Variants in MCU observed in about 807,000 individuals in gnomAD.
MCU encodes calcium uniporter protein, mitochondrial.
MCU carries 12 observed loss-of-function variants against 45.2 expected under a neutral mutation model. That is an observed-to-expected ratio of 0.27 (90% CI 0.17 to 0.43). The LOEUF (loss-of-function observed/expected upper bound fraction) is 0.43, where lower values mean the gene tolerates loss of function less well. Ranked by LOEUF, MCU falls within the 20% of genes least tolerant of loss-of-function variation. The probability of loss-of-function intolerance (pLI) is 1.00; values close to 1 mark genes in which losing one functional copy is unlikely to be tolerated. For synonymous variants in MCU, 160 were observed against 165.1 expected (o/e 0.97, Z 0.24); for missense variants, 324 against 436.7 (o/e 0.74, Z 2.30).
rs1399130294 is a variant in MCU, at chr10:72,832,932, C to CTGTGTGTGTGTGTGTG, written c.151-1426_151-1425insGTGTGTGTGTGTGTGT. 1.3e-3 allele frequency among the ~76,000 whole-genome samples: 76 copies of CTGTGTGTGTGTGTGTG among 57,226 alleles called. 1 individual carries two copies. Among genetic ancestry groups the CTGTGTGTGTGTGTGTG allele is most frequent in the African/African-American group, 2.8e-3 (73 of 26,506 alleles). The allele number at this position is 57,226 out of a possible 152,430, so 37.5% of individuals were successfully genotyped here. ...TGATACTGTTTTTTGAAACCAATAG[C>CTGTGTGTGTGTGTGTG]TATGTGTGTGTGTGTGTGTGTGTGT... On this transcript the variant is annotated intron_variant, in intron 1 of 7. Coordinates refer to ENST00000373053, the MANE Select transcript of MCU (RefSeq NM_138357.3).
At chr10:72,834,944 G>T (rs1844934920) in intron 2 of MCU, among the ~76,000 whole-genome samples, 1 of 152,152 alleles carries the variant, frequency 6.6e-6, no homozygotes, top group Admixed American at 6.6e-5. Flanking sequence ...GAGCCACTGT[G>T]CCCAGCCTCA....
chr10:72,810,786 C>T (rs1401841669), intron 1 of MCU, among the ~76,000 whole-genome samples: 1 of 152,040 alleles, frequency 6.6e-6, no homozygotes, highest in Non-Finnish European at 1.5e-5. Context: ...TGAGCCACTG[C>T]GCCTGGTCTG....
chr10:72,885,693 TATC>T (rs1318790585), intron 7 of MCU, 49 bp from the exon 8 acceptor site: 13 of 1,130,800 alleles, frequency 1.1e-5, no homozygotes, highest in South Asian at 7.6e-5. Flanking sequence ...TAGACAGTAA[TATC>T]ATTGAAAGCT....
intron 5 of MCU, among the ~76,000 whole-genome samples, chr10:72,869,567 G>A (rs1004015178): frequency 1.8e-4 from 27 of 152,218 alleles, no homozygotes; most frequent in Admixed American, 1.6e-3. Flanking sequence ...CAGCCTGGAC[G>A]ACAGAGCGAG....
chr10:72,866,748 G>C (rs1485462803), intron 4 of MCU, among the ~76,000 whole-genome samples: 1 of 152,070 alleles, frequency 6.6e-6, no homozygotes, highest in Non-Finnish European at 1.5e-5. Flanking sequence ...TAATAAAATA[G>C]TTCATGAAAG....
chr10:72,756,514 C>G lies in MCU; in HGVS notation c.150+64213C>G, dbSNP rs377445774. 2.6e-5 allele frequency: 4 copies of G among 152,158 alleles called. No individual in the cohort carries two copies. The East Asian group carries it at 7.7e-4, about 29-fold the overall frequency. The allele number at this position is 152,158 out of a possible 1,614,324, so 9.4% of individuals were successfully genotyped here. Reference sequence around the variant, plus strand: ...GCCTCTCAGGAGAAACTGCATAATTCACTGGGTGAATGCAAGTTCATTGCT... The same window carrying G: ...GCCTCTCAGGAGAAACTGCATAATTGACTGGGTGAATGCAAGTTCATTGCT... On this transcript the variant is annotated intron_variant, in intron 1 of 7. Coordinates refer to ENST00000373053, the MANE Select transcript of MCU (RefSeq NM_138357.3).
chr10:72,816,536 A>G (rs941361301), intron 1 of MCU, among the ~76,000 whole-genome samples: 41 of 152,360 alleles, frequency 2.7e-4, no homozygotes, highest in African/African-American at 9.1e-4. Context: ...CCCAGCACTC[A>G]GGAGGCCGAA....
At chr10:72,849,924 T>TC (rs1419346015) in intron 2 of MCU, among the ~76,000 whole-genome samples, 1 of 151,884 alleles carries the variant, frequency 6.6e-6, no homozygotes, top group Non-Finnish European at 1.5e-5. Context: ...TCTTTTTTTT[T>TC]TTTTTTTAGA....
intron 1 of MCU, among the ~76,000 whole-genome samples, chr10:72,740,370 T>A (rs924383734): frequency 6.7e-6 from 1 of 148,276 alleles, no homozygotes; most frequent in African/African-American, 2.5e-5. Context: ...AGAGTGAGAC[T>A]CTGTCTCAAA....
intron 1 of MCU, among the ~76,000 whole-genome samples, chr10:72,808,211 C>T (rs2395008): frequency 0.56 from 85,054 of 152,010 alleles, 25,155 homozygotes; most frequent in Non-Finnish European, 0.67. Context: ...CAGCCAGTTT[C>T]TCTTGTCTTT....
intron 2 of MCU, among the ~76,000 whole-genome samples, chr10:72,846,378 T>C (rs1358087874): frequency 1.3e-5 from 2 of 152,112 alleles, no homozygotes; most frequent in Non-Finnish European, 2.9e-5. Flanking sequence ...CTATTCTGAG[T>C]AGTGTGATGA....
chr10:72,701,052 G>T (rs1207215601), intron 1 of MCU, among the ~76,000 whole-genome samples: 1 of 152,134 alleles, frequency 6.6e-6, no homozygotes, highest in East Asian at 1.9e-4. Flanking sequence ...CGCCTACTTT[G>T]TACCTCTTTT....
chr10:72,822,513 C>A (rs1265060298), intron 1 of MCU, among the ~76,000 whole-genome samples: 2 of 152,080 alleles, frequency 1.3e-5, no homozygotes, highest in African/African-American at 2.4e-5. Context: ...AAAAAGACAA[C>A]CCAGTGTAAA....
intron 2 of MCU, among the ~76,000 whole-genome samples, chr10:72,850,898 G>T (rs746679596): frequency 6.6e-6 from 1 of 152,138 alleles, no homozygotes; most frequent in Non-Finnish European, 1.5e-5. Context: ...TACTTTAAAA[G>T]AATATTTTTT....
At chr10:72,751,341 C>T (rs868585023) in intron 1 of MCU, among the ~76,000 whole-genome samples, 56 of 44,746 alleles carry the variant, frequency 1.3e-3, no homozygotes, top group South Asian at 2.6e-3. Context: ...TCTTCTTCTT[C>T]TTTTTTTTTT....
intron 4 of MCU, among the ~76,000 whole-genome samples, chr10:72,868,128 G>C (rs1845485979): frequency 6.6e-6 from 1 of 151,928 alleles, no homozygotes; most frequent in Non-Finnish European, 1.5e-5. Flanking sequence ...TTTTCTTAAT[G>C]TTAATCATGT....
intron 1 of MCU, among the ~76,000 whole-genome samples, chr10:72,754,567 A>G (rs1843547611): frequency 6.6e-6 from 1 of 152,196 alleles, no homozygotes; most frequent in South Asian, 2.1e-4. Context: ...CCTGGGCAAC[A>G]TAGACCCTGT....
At chr10:72,693,207 A>C in intron 1 of MCU, 1 of 874,282 alleles carries the variant, frequency 1.1e-6, no homozygotes, top group East Asian at 2.7e-5. Context: ...TGTGAGAGAG[A>C]GAGAGACAGA....
chr10:72,713,681 C>T (rs143551584), intron 1 of MCU, among the ~76,000 whole-genome samples: 2 of 152,056 alleles, frequency 1.3e-5, no homozygotes, highest in South Asian at 2.1e-4. Context: ...GAATGATTTC[C>T]AATCATTTTC....
Sources: allele counts gnomAD v4.1 joint callset (sites outside exome capture counted in the v4.1 genomes callset), GRCh38; gene constraint gnomAD v4.1.1; transcripts MANE v1.5; gene names NCBI Gene and HGNC (gene_info 2026-07-23, HGNC 2026-07-21).